The following KCNMA1 variants were observed in gnomAD, a reference collection of about 807,000 sequenced individuals.
KCNMA1 encodes the protein Calcium-activated potassium channel subunit alpha-1.
KCNMA1 carries 29 observed loss-of-function variants against 140.0 expected under a neutral mutation model. The ratio of observed to expected loss-of-function variants is 0.21; its 90% confidence interval spans 0.15 to 0.28. KCNMA1 has a LOEUF of 0.28. KCNMA1 is among the 10% of genes least tolerant of loss of function. KCNMA1 has a pLI of 1.00. For synonymous variants in KCNMA1, 612 were observed against 611.9 expected, an observed-to-expected ratio of 1.00 and a Z score of 0.00; for missense variants, 880 against 1,602.2, an observed-to-expected ratio of 0.55 and a Z score of 7.70.
At chr10:77,248,791 T>G (rs769254366) in intron 3 of KCNMA1, among the ~76,000 whole-genome samples, 1 of 152,196 alleles carries the variant, frequency 6.6e-6, no homozygotes, top group Non-Finnish European at 1.5e-5. Flanking sequence ...CCTGGAAATC[T>G]ATGGACTTAC....
intron 3 of KCNMA1, among the ~76,000 whole-genome samples, chr10:77,238,235 GT>G (rs1265718997): frequency 6.6e-6 from 1 of 152,172 alleles, no homozygotes; most frequent in Non-Finnish European, 1.5e-5. Flanking sequence ...CCAATGGAGG[GT>G]GAGAAATACG....
In KCNMA1 at chr10:77,169,543, C is replaced by T. The variant is rs543432061; in HGVS notation, c.808+13878G>A. On this transcript the variant is annotated intron_variant, in intron 5 of 27. Transcript: ENST00000286628. Reference sequence around the variant, plus strand: ...TAGCTGGGACCACAGGTATGTGCCACCATGCCGGGCTAATTTTTTAAAAAA... The same window carrying T: ...TAGCTGGGACCACAGGTATGTGCCATCATGCCGGGCTAATTTTTTAAAAAA... Among the ~76,000 whole-genome samples the T allele has an allele frequency of 4.6e-5, 7 of 152,138 alleles. No individual in the cohort carries two copies. In the East Asian group the frequency reaches 1.2e-3, roughly 25 times the overall value.
intron 2 of KCNMA1, among the ~76,000 whole-genome samples, chr10:77,296,130 A>G (rs978083762): frequency 6.6e-6 from 1 of 152,142 alleles, no homozygotes; most frequent in African/African-American, 2.4e-5. Context: ...TGATTAAGTT[A>G]AGGATCTTGA....
chr10:76,939,593 C>A (rs1400959542), intron 23 of KCNMA1: 1 of 152,260 alleles, frequency 6.6e-6, no homozygotes, highest in African/African-American at 2.4e-5. Flanking sequence ...TGAATCCAAG[C>A]AACCTTTGGT....
chr10:76,965,357 T>C (rs1283369831), intron 20 of KCNMA1, among the ~76,000 whole-genome samples: 1 of 152,186 alleles, frequency 6.6e-6, no homozygotes, highest in Admixed American at 6.5e-5. Context: ...ACAAACGGCC[T>C]TGGCAGAGGC....
chr10:77,062,103 C>T (rs980874332), intron 14 of KCNMA1, among the ~76,000 whole-genome samples: 1 of 152,120 alleles, frequency 6.6e-6, no homozygotes, highest in Non-Finnish European at 1.5e-5. Flanking sequence ...TACACAAAAT[C>T]AACTTTACTG....
intron 5 of KCNMA1, among the ~76,000 whole-genome samples, chr10:77,164,816 G>A (rs967822886): frequency 6.6e-6 from 1 of 152,134 alleles, no homozygotes; most frequent in Non-Finnish European, 1.5e-5. Flanking sequence ...CTGGTTGAAC[G>A]TGTTTCCTCC....
At chr10:76,999,697 C>T (rs1303298069) in intron 19 of KCNMA1, among the ~76,000 whole-genome samples, 1 of 152,180 alleles carries the variant, frequency 6.6e-6, no homozygotes, top group Non-Finnish European at 1.5e-5. Context: ...AGGATTGTAA[C>T]AGAAATCTTT....
chr10:77,619,019 G>A (rs934567531), intron 1 of KCNMA1, among the ~76,000 whole-genome samples: 1 of 152,156 alleles, frequency 6.6e-6, no homozygotes, highest in Non-Finnish European at 1.5e-5. Flanking sequence ...TGGAGAGCTT[G>A]GGAAGATGTT....
chr10:77,360,572 CAG>C (rs2093862039), intron 2 of KCNMA1, among the ~76,000 whole-genome samples: 1 of 152,238 alleles, frequency 6.6e-6, no homozygotes, highest in South Asian at 2.1e-4. Context: ...CCACTCTAAA[CAG>C]AAATACTCCC....
chr10:77,484,201 C>G (rs12257235), intron 1 of KCNMA1, among the ~76,000 whole-genome samples: 1,992 of 152,300 alleles, frequency 0.013, 45 homozygotes, highest in African/African-American at 0.045. Context: ...AGAAACTTCT[C>G]CTATTCAGTT....
intron 1 of KCNMA1, among the ~76,000 whole-genome samples, chr10:77,415,636 A>C (rs529168050): frequency 5.9e-5 from 9 of 152,258 alleles, no homozygotes; most frequent in Non-Finnish European, 1.2e-4. Flanking sequence ...CTTCGTGCCA[A>C]GTTAACTTTT....
At chr10:77,155,650 C>G (rs2098474434) in intron 5 of KCNMA1, among the ~76,000 whole-genome samples, 1 of 152,050 alleles carries the variant, frequency 6.6e-6, no homozygotes, top group South Asian at 2.1e-4. Flanking sequence ...TCTTTCTTCT[C>G]AGTCCCATGG....
At chr10:77,003,832 C>G (rs576335813) in intron 18 of KCNMA1, among the ~76,000 whole-genome samples, 1 of 152,148 alleles carries the variant, frequency 6.6e-6, no homozygotes, top group African/African-American at 2.4e-5. Flanking sequence ...GATGAAATAA[C>G]TTTTGAAACT....
At chr10:77,303,693 C>A (rs1205742117) in intron 2 of KCNMA1, among the ~76,000 whole-genome samples, 1 of 152,080 alleles carries the variant, frequency 6.6e-6, no homozygotes, top group Non-Finnish European at 1.5e-5. Context: ...CTGAGTGTGA[C>A]CTGCAGACCA....
At chr10:77,153,271 C>T (rs2098445224) in intron 5 of KCNMA1, among the ~76,000 whole-genome samples, 1 of 152,206 alleles carries the variant, frequency 6.6e-6, no homozygotes, top group African/African-American at 2.4e-5. Flanking sequence ...GAATTTTACC[C>T]AGAAAAGCAT....
At chr10:77,126,747 C>A (rs1043757569) in intron 5 of KCNMA1, among the ~76,000 whole-genome samples, 1 of 142,650 alleles carries the variant, frequency 7.0e-6, no homozygotes, top group Non-Finnish European at 1.5e-5. Context: ...CCACCACACA[C>A]AAATGCTGGC....
At chr10:77,599,384 T>C (rs1012358242) in intron 1 of KCNMA1, among the ~76,000 whole-genome samples, 2 of 152,236 alleles carry the variant, frequency 1.3e-5, no homozygotes, top group African/African-American at 4.8e-5. Flanking sequence ...TCCAGCCAGA[T>C]GATGGCTGCA....
At chr10:77,259,033 T>G (rs2061417591) in intron 2 of KCNMA1, among the ~76,000 whole-genome samples, 1 of 152,172 alleles carries the variant, frequency 6.6e-6, no homozygotes, top group Admixed American at 6.5e-5. Flanking sequence ...TTTAAAAATA[T>G]CTGTAATATT....
Sources: gnomAD v4.1 joint callset for allele counts (sites outside exome capture counted in the v4.1 genomes callset) on GRCh38, gnomAD v4.1.1 for gene constraint, MANE v1.5 for transcripts, NCBI Gene and HGNC (gene_info 2026-07-23, HGNC 2026-07-21) for gene names.